Variants in TNR observed in about 807,000 individuals in gnomAD.
TNR encodes tenascin R.
In TNR, 45 loss-of-function variants were observed where a neutral mutation model predicts 150.4. The observed-to-expected ratio is 0.30, with a 90% CI of 0.24 to 0.38. The LOEUF (loss-of-function observed/expected upper bound fraction) is 0.38. TNR is among the 10% of genes least tolerant of loss of function. The pLI, the probability that TNR is intolerant of heterozygous loss-of-function variation, is 1.00. For missense variants in TNR, 1,544 were observed against 1,759.1 expected (o/e 0.88, Z 2.19); for synonymous variants, 687 against 678.4 (o/e 1.01, Z -0.20).
intron 1 of TNR, among the ~76,000 whole-genome samples, chr1:175,656,148 G>A (rs1665166627): frequency 7.7e-6 from 1 of 129,950 alleles, no homozygotes; most frequent in Non-Finnish European, 1.5e-5. Flanking sequence ...TGAAGTGTGT[G>A]TGTGTGTGTG....
chr1:175,515,370 A>T (rs931508269), intron 2 of TNR, among the ~76,000 whole-genome samples: 1 of 152,228 alleles, frequency 6.6e-6, no homozygotes, highest in Non-Finnish European at 1.5e-5. Context: ...CTCTGCCCTC[A>T]GATGCTAAGG....
At chr1:175,686,390 C>A (rs572125225) in intron 1 of TNR, among the ~76,000 whole-genome samples, 1 of 152,310 alleles carries the variant, frequency 6.6e-6, no homozygotes, top group South Asian at 2.1e-4. Context: ...AATGCTCACA[C>A]CAAACATTAA....
At chr1:175,614,371 C>G (rs1285677172) in intron 1 of TNR, among the ~76,000 whole-genome samples, 1 of 152,072 alleles carries the variant, frequency 6.6e-6, no homozygotes, top group Non-Finnish European at 1.5e-5. Context: ...CTTTCCTTTC[C>G]TCTCCCACCT....
intron 2 of TNR, among the ~76,000 whole-genome samples, chr1:175,505,809 G>A (rs1658937128): frequency 6.6e-6 from 1 of 152,260 alleles, no homozygotes; most frequent in African/African-American, 2.4e-5. Flanking sequence ...GGGAGGCCGA[G>A]GTGGGTGGAT....
intron 1 of TNR, among the ~76,000 whole-genome samples, chr1:175,652,726 G>A (rs1665037946): frequency 6.6e-6 from 1 of 152,128 alleles, no homozygotes; most frequent in East Asian, 1.9e-4. Context: ...GTTTCCTGAG[G>A]CCTTCCAGTC....
intron 1 of TNR, among the ~76,000 whole-genome samples, chr1:175,712,292 C>G (rs903665451): frequency 6.6e-6 from 1 of 151,980 alleles, no homozygotes; most frequent in East Asian, 1.9e-4. Context: ...CAGTGAAGAG[C>G]CATTAAAAAA....
In TNR at chr1:175,358,319, G is replaced by A. The variant is rs78023933; in HGVS notation, c.2974+1293C>T. 4.0e-3 allele frequency among the ~76,000 whole-genome samples: 613 copies of A among 152,316 alleles called. 6 individuals are homozygous for A. The highest frequency in any genetic ancestry group is 0.014 in the African/African-American group (598 of 41,568). On this transcript the variant is annotated intron_variant, in intron 15 of 22. Coordinates refer to ENST00000367674, the MANE Select transcript of TNR (RefSeq NM_003285.3). The stretch of plus-strand genomic sequence containing the variant: ...TTTCCATGTTAACTAAGGACTAAGT[G>A]ATAAGTGGGGTTTTCTGATGCCTTG...
chr1:175,534,402 G>A (rs1180818425), intron 1 of TNR, among the ~76,000 whole-genome samples: 1 of 152,232 alleles, frequency 6.6e-6, no homozygotes, highest in African/African-American at 2.4e-5. Flanking sequence ...GCTGCACAGT[G>A]TCACTATCCA....
At chr1:175,371,601 ATGAAGACTTTT>A (rs1240755394) in intron 9 of TNR, among the ~76,000 whole-genome samples, 2 of 152,230 alleles carry the variant, frequency 1.3e-5, no homozygotes, top group Admixed American at 1.3e-4. Flanking sequence ...GAAGTAAAAA[ATGAAGACTTTT>A]TGAGTGTCTG....
Position 175,365,913 on chromosome 1 carries a change from C to A in TNR, c.2279G>T (p.Arg760Leu). Residue 760 changes from arginine (R) to leucine (L), a missense_variant, in exon 11 of 23, where the codon CGG becomes CTG. Around this residue, in one of 2 missense-constraint regions of TNR, gnomAD observed 1,254 missense variants for 1,329.4 expected, o/e 0.94. Coordinates refer to ENST00000367674, the MANE Select transcript of TNR (RefSeq NM_003285.3). ...CACAGTGGACTCCAAGCTCTGCTGC[C>A]GACCCCTCTCAGCAGTGACGGAAAT... The part of the protein sequence containing the change: ...YIISVTAERG[R>L]QQSLESTVDA... 1 of 1,614,100 alleles carries A rather than the reference C, an allele frequency of 6.2e-7. No individual in the cohort carries two copies. The highest frequency in any genetic ancestry group is 1.3e-5 in the African/African-American group (1 of 75,032).
intron 1 of TNR, among the ~76,000 whole-genome samples, chr1:175,593,010 G>T (rs1445349795): frequency 1.3e-5 from 2 of 152,120 alleles, no homozygotes; most frequent in Non-Finnish European, 2.9e-5. Context: ...GTTGTCCTTG[G>T]TCATGGGAGG....
intron 1 of TNR, among the ~76,000 whole-genome samples, chr1:175,694,345 C>G (rs1666452245): frequency 6.6e-6 from 1 of 152,218 alleles, no homozygotes; most frequent in Non-Finnish European, 1.5e-5. Flanking sequence ...TTCAGTGTCT[C>G]TAGCCAGAAA....
intron 1 of TNR, among the ~76,000 whole-genome samples, chr1:175,544,740 G>A: frequency 6.6e-6 from 1 of 152,210 alleles, no homozygotes. Context: ...AGCGATCAAG[G>A]AGCTATTGGA....
chr1:175,679,691 G>C (rs1665972359), intron 1 of TNR, among the ~76,000 whole-genome samples: 1 of 152,170 alleles, frequency 6.6e-6, no homozygotes, highest in Non-Finnish European at 1.5e-5. Flanking sequence ...GGCCACTCAA[G>C]ACTGTCCATG....
chr1:175,616,010 C>T (rs984208422), intron 1 of TNR, among the ~76,000 whole-genome samples: 3 of 152,182 alleles, frequency 2.0e-5, no homozygotes, highest in Non-Finnish European at 4.4e-5. Context: ...CCTAAAATAG[C>T]TACATTAAGG....
chr1:175,735,659 A>G (rs61808185), intron 1 of TNR, among the ~76,000 whole-genome samples: 23,841 of 152,204 alleles, frequency 0.16, 2,199 homozygotes, highest in Middle Eastern at 0.24. Flanking sequence ...CAATTACTCT[A>G]GCCCAGCCAG....
chr1:175,741,628 G>T (rs1667934495), intron 1 of TNR, among the ~76,000 whole-genome samples: 1 of 152,074 alleles, frequency 6.6e-6, no homozygotes, highest in African/African-American at 2.4e-5. Context: ...TGTCTTCCTG[G>T]ATGCATTCTA....
chr1:175,630,492 C>T (rs1241021131), intron 1 of TNR, among the ~76,000 whole-genome samples: 1 of 152,214 alleles, frequency 6.6e-6, no homozygotes, highest in Non-Finnish European at 1.5e-5. Context: ...GCTGTACATA[C>T]TTCACTACTG....
Position 175,661,498 on chromosome 1 carries a change from C to T in TNR, c.-165+81728G>A, listed in dbSNP as rs192360074. ...GCCGGGGCAATGGGTTTGGGTTGGG[C>T]CTTGAGAGAAAAGGGTTTCTAGACC... On this transcript the variant is annotated intron_variant, in intron 1 of 22. Coordinates refer to ENST00000367674, the MANE Select transcript of TNR (RefSeq NM_003285.3). Among the ~76,000 whole-genome samples, 5 of 152,168 alleles carry T rather than the reference C, an allele frequency of 3.3e-5. No individual in the cohort carries two copies. In the East Asian group the frequency reaches 9.7e-4, roughly 29 times the overall value.
Sources: allele counts gnomAD v4.1 joint callset (sites outside exome capture counted in the v4.1 genomes callset), GRCh38; gene constraint gnomAD v4.1.1; regional missense constraint gnomAD v4.1.1; transcripts MANE v1.5; gene names NCBI Gene and HGNC (gene_info 2026-07-23, HGNC 2026-07-21).